TPRG1: variants seen among roughly 807,000 people sequenced by gnomAD.
TPRG1 encodes tumor protein p63-regulated gene 1 protein.
In TPRG1, 29 loss-of-function variants were observed where a neutral mutation model predicts 29.3. The observed-to-expected ratio is 0.99, with a 90% CI of 0.74 to 1.35. The LOEUF is 1.35. Among genes scored for constraint, TPRG1 ranks in the 40% most tolerant of loss-of-function variants. The probability of loss-of-function intolerance (pLI) is 0.00; values close to 1 mark genes in which losing one functional copy is unlikely to be tolerated. For missense variants in TPRG1, 327 were observed against 335.0 expected, an observed-to-expected ratio of 0.98 and a Z score of 0.19; for synonymous variants, 130 against 116.8, an observed-to-expected ratio of 1.11 and a Z score of -0.73.
upstream of TPRG1, among the ~76,000 whole-genome samples, chr3:189,169,849 T>C (rs1047977014): frequency 6.6e-6 from 1 of 152,158 alleles, no homozygotes; most frequent in African/African-American, 2.4e-5. Flanking sequence ...CTGATCCCAG[T>C]GAGCAGCTGA....
chr3:189,104,593 A>G (rs1254174774), intron 1 of TPRG1, among the ~76,000 whole-genome samples: 3 of 151,876 alleles, frequency 2.0e-5, no homozygotes, highest in Non-Finnish European at 2.9e-5. Flanking sequence ...ATTTGTACCT[A>G]TAAGAGACTA....
intron 4 of TPRG1, among the ~76,000 whole-genome samples, chr3:189,040,016 C>T (rs1714531728): frequency 6.6e-6 from 1 of 152,138 alleles, no homozygotes; most frequent in Non-Finnish European, 1.5e-5. Context: ...CTTTAAGATA[C>T]ATTACTCCTT....
At chr3:189,080,429 T>A (rs774082673) in intron 4 of TPRG1, among the ~76,000 whole-genome samples, 1 of 152,062 alleles carries the variant, frequency 6.6e-6, no homozygotes, top group African/African-American at 2.4e-5. Flanking sequence ...TACACAGAAA[T>A]AGGAAAAGTA....
chr3:189,238,686 A>G (rs373380040), intron 3 of TPRG1, 47 bp from the exon 4 acceptor site: 1 of 1,510,456 alleles, frequency 6.6e-7, no homozygotes, highest in Non-Finnish European at 9.0e-7. Flanking sequence ...ATTGCTTTTA[A>G]CTTAGGCTGT....
At chr3:189,180,169 C>T (rs1337678388) in intron 1 of TPRG1, among the ~76,000 whole-genome samples, 1 of 152,134 alleles carries the variant, frequency 6.6e-6, no homozygotes, top group Non-Finnish European at 1.5e-5. Context: ...AGTTACCTCC[C>T]ACTGGGTCCT....
At chr3:189,317,921 A>C (rs1256485735) in intron 5 of TPRG1, among the ~76,000 whole-genome samples, 1 of 152,132 alleles carries the variant, frequency 6.6e-6, no homozygotes, top group East Asian at 1.9e-4. Flanking sequence ...GATGGGTAGA[A>C]ACCTCTCTTG....
At chr3:188,998,739 T>A (rs546782729) in intron 1 of TPRG1, among the ~76,000 whole-genome samples, 1 of 152,334 alleles carries the variant, frequency 6.6e-6, no homozygotes, top group Admixed American at 6.5e-5. Context: ...TAATATCACA[T>A]ACTCTCACTC....
At chr3:189,257,964 G>A (rs1712206895) in intron 4 of TPRG1, among the ~76,000 whole-genome samples, 1 of 152,148 alleles carries the variant, frequency 6.6e-6, no homozygotes, top group African/African-American at 2.4e-5. Context: ...TAGCTCGGAG[G>A]AGTTTGTTAT....
intron 2 of TPRG1, among the ~76,000 whole-genome samples, chr3:189,130,571 A>ACCAATAGTC (rs1722996721): frequency 6.6e-6 from 1 of 152,240 alleles, no homozygotes; most frequent in Non-Finnish European, 1.5e-5. Context: ...GAAAGAGAAC[A>ACCAATAGTC]CCAATAGTCC....
chr3:189,057,318 G>A (rs1021400395), intron 4 of TPRG1, among the ~76,000 whole-genome samples: 2 of 152,008 alleles, frequency 1.3e-5, no homozygotes, highest in African/African-American at 4.8e-5. Context: ...AATCACTAAA[G>A]TAGAAAATAT....
intron 5 of TPRG1, among the ~76,000 whole-genome samples, chr3:189,156,082 A>G (rs968839660): frequency 6.6e-6 from 1 of 152,208 alleles, no homozygotes; most frequent in African/African-American, 2.4e-5. Flanking sequence ...TGAAAACATC[A>G]CATTGTACAC....
chr3:189,123,754 G>A (rs897018012), intron 1 of TPRG1: 10 of 152,198 alleles, frequency 6.6e-5, no homozygotes, highest in East Asian at 5.8e-4. Flanking sequence ...CTTGGCCTAA[G>A]CGAGTAGAGA....
intron 4 of TPRG1, among the ~76,000 whole-genome samples, chr3:189,289,497 G>T (rs958288752): frequency 1.3e-5 from 2 of 151,646 alleles, no homozygotes; most frequent in Non-Finnish European, 2.9e-5. Flanking sequence ...GAGACCTGCT[G>T]CCCCTGCTTA....
upstream of TPRG1, among the ~76,000 whole-genome samples, chr3:189,095,528 C>A (rs1051133058): frequency 6.6e-6 from 1 of 152,110 alleles, no homozygotes; most frequent in African/African-American, 2.4e-5. Flanking sequence ...CATCAGTCTC[C>A]GTTCTTTAAA....
intron 4 of TPRG1, among the ~76,000 whole-genome samples, chr3:189,080,074 A>G (rs1480879261): frequency 1.3e-5 from 2 of 152,256 alleles, no homozygotes; most frequent in Non-Finnish European, 2.9e-5. Context: ...AGTTCTAGTC[A>G]GTATATAATG....
intron 4 of TPRG1, among the ~76,000 whole-genome samples, chr3:189,289,533 T>C (rs1023608091): frequency 1.3e-5 from 2 of 152,190 alleles, no homozygotes; most frequent in African/African-American, 4.8e-5. Context: ...ACTTGTTGAC[T>C]ACGTAGTCTT....
At chr3:189,294,794 C>G (rs77753267) in intron 4 of TPRG1, among the ~76,000 whole-genome samples, 1 of 135,430 alleles carries the variant, frequency 7.4e-6, no homozygotes, top group East Asian at 2.3e-4. Flanking sequence ...ATTACACAAC[C>G]CTTACAGTTA....
rs111597912 is a variant in TPRG1, at chr3:189,154,504, C to T, written c.-10+3632C>T. On this transcript the variant is annotated intron_variant, in intron 5 of 6. Coordinates refer to the TPRG1 transcript ENST00000412373. ...TCACCCAGGCTGGAGTGCAATGGTG[C>T]GATCTCGGCTCACTGCAACCTCCAC... Among the ~76,000 whole-genome samples the T allele has an allele frequency of 1.5e-3, 227 of 151,474 alleles. 1 individual carries two copies. The highest frequency in any genetic ancestry group is 5.3e-3 in the African/African-American group (218 of 41,238).
At chr3:189,191,371 C>T (rs1731666149) in intron 1 of TPRG1, among the ~76,000 whole-genome samples, 1 of 152,118 alleles carries the variant, frequency 6.6e-6, no homozygotes, top group African/African-American at 2.4e-5. Context: ...AACTACTTTC[C>T]TCTTCCCACA....
Sources: gnomAD v4.1 joint callset for allele counts (sites outside exome capture counted in the v4.1 genomes callset) on GRCh38, gnomAD v4.1.1 for gene constraint, MANE v1.5 for transcripts, NCBI Gene and HGNC (gene_info 2026-07-23, HGNC 2026-07-21) for gene names.